DLGAP4: variants seen among roughly 807,000 people sequenced by gnomAD.
DLGAP4 encodes the protein DLG associated protein 4.
In DLGAP4, 18 loss-of-function variants were observed where a neutral mutation model predicts 86.9. That is an observed-to-expected ratio of 0.21 (90% CI 0.14 to 0.31). The LOEUF (loss-of-function observed/expected upper bound fraction) is 0.31, where lower values mean the gene tolerates loss of function less well. Ranked by LOEUF, DLGAP4 falls within the 10% of genes least tolerant of loss-of-function variation. The pLI is 1.00. For synonymous variants in DLGAP4, 548 were observed against 574.3 expected (o/e 0.95, Z 0.65); for missense variants, 1,085 against 1,362.6 (o/e 0.80, Z 3.21).
chr20:36,406,269 G>A (rs111358074), intron 2 of DLGAP4, among the ~76,000 whole-genome samples: 10,544 of 151,954 alleles, frequency 0.069, 1,144 homozygotes, highest in African/African-American at 0.24. Context: ...ATGGTGGCGG[G>A]CGCCTGTAGT....
In DLGAP4 at chr20:36,306,760, C is replaced by T. The variant is rs1307708794; in HGVS notation, c.-304+248C>T. Reference sequence around the variant, plus strand: ...TCGCCCCATCCATGTCTCCCCGGACCCTCAAATCGGGGGCGGCGGCACCGG... The same window carrying T: ...TCGCCCCATCCATGTCTCCCCGGACTCTCAAATCGGGGGCGGCGGCACCGG... On this transcript the variant is annotated intron_variant, in intron 1 of 12. Coordinates refer to ENST00000339266, the MANE Select transcript of DLGAP4 (RefSeq NM_001365621.2). This position sits in a 1 kb window ranked among gnomAD's most constrained non-coding sequence, Gnocchi z 4.9. Among the ~76,000 whole-genome samples, 1 of 152,072 alleles carries T rather than the reference C, an allele frequency of 6.6e-6. No individual in the cohort carries two copies. The highest frequency in any genetic ancestry group is 1.5e-5 in the Non-Finnish European group (1 of 67,984).
In DLGAP4 at chr20:36,436,257, G is replaced by A; in HGVS notation, c.1148G>A (p.Gly383Asp). 1 of 1,605,738 alleles carries A rather than the reference G, an allele frequency of 6.2e-7. No homozygotes were observed. The highest frequency in any genetic ancestry group is 8.5e-7 in the Non-Finnish European group (1 of 1,179,454). The change falls in exon 4 of 13, where the codon GGC (glycine) becomes GAC (aspartate). Residue 383 changes from glycine to aspartate, a missense_variant. Around this residue, in one of 2 missense-constraint regions of DLGAP4, gnomAD observed 1,082 missense variants for 1,344.1 expected, o/e 0.81. Coordinates refer to ENST00000339266, the MANE Select transcript of DLGAP4 (RefSeq NM_001365621.2). ...GACGAGGACAGCGACGAGTCCGGCG[G>A]CAGCCCCAAGCCCTCACCCAAGACC... is the stretch of plus-strand genomic sequence containing the variant. ...MGDEDSDESG[G>D]SPKPSPKTAA...
chr20:36,374,838 G>A (rs552114719), intron 2 of DLGAP4, among the ~76,000 whole-genome samples: 3 of 152,344 alleles, frequency 2.0e-5, no homozygotes, highest in East Asian at 1.9e-4. Flanking sequence ...CCACAATCCC[G>A]GCACTGCAGG....
At chr20:36,401,739 CAG>C (rs2032168084) in intron 2 of DLGAP4, among the ~76,000 whole-genome samples, 1 of 152,172 alleles carries the variant, frequency 6.6e-6, no homozygotes, top group African/African-American at 2.4e-5. Flanking sequence ...CCGCTTTTGA[CAG>C]AGACGAGTTT....
chr20:36,500,508 C>G lies in DLGAP4; in HGVS notation c.2409C>G (p.Asp803Glu). Residue 803 changes from aspartate (D) to glutamate (E), a missense_variant, in exon 10 of 13, where the codon GAC becomes GAG. Transcript: ENST00000339266. This position sits in a 1 kb window ranked among gnomAD's most constrained non-coding sequence, Gnocchi z 4.6. ...CACAGCCAGGGGCCTGCCGCCGAGA[C>G]GGCTACTGGTTCCTAAAGCTACTGC... ...EPAQPGACRR[D>E]GYWFLKLLQA... The G allele has an allele frequency of 1.3e-6, 2 of 1,592,236 alleles. No individual in the cohort carries two copies. The highest frequency in any genetic ancestry group is 1.7e-6 in the Non-Finnish European group (2 of 1,168,994).
intron 2 of DLGAP4, among the ~76,000 whole-genome samples, chr20:36,372,755 C>T (rs1600448463): frequency 6.6e-6 from 1 of 152,204 alleles, no homozygotes; most frequent in East Asian, 1.9e-4. Context: ...ACCCAATTCT[C>T]TGTTTGTGAG....
At chr20:36,448,051 A>T (rs2033644987) in intron 7 of DLGAP4, among the ~76,000 whole-genome samples, 1 of 152,116 alleles carries the variant, frequency 6.6e-6, no homozygotes. Flanking sequence ...TCAAAAAAAA[A>T]AAAAAAGACG....
intron 7 of DLGAP4, chr20:36,462,113 C>A (rs552957653): frequency 3.0e-6 from 3 of 1,000,158 alleles, no homozygotes; most frequent in South Asian, 8.6e-5. Context: ...TCCTCTGAAC[C>A]CCCATTGCCC....
chr20:36,370,514 G>T (rs2030885875), intron 2 of DLGAP4, among the ~76,000 whole-genome samples: 1 of 151,768 alleles, frequency 6.6e-6, no homozygotes, highest in Non-Finnish European at 1.5e-5. Context: ...GGATAGGAGT[G>T]GGACGTTCCT....
chr20:36,439,966 C>T (rs1175250859), intron 5 of DLGAP4, 98 bp downstream of exon 5: 4 of 1,022,670 alleles, frequency 3.9e-6, no homozygotes, highest in Non-Finnish European at 5.9e-6. Context: ...GCTGAGTGGC[C>T]CCCAGATGTC....
At chr20:36,520,719 T>C (rs942148602) in intron 10 of DLGAP4, among the ~76,000 whole-genome samples, 5 of 152,058 alleles carry the variant, frequency 3.3e-5, no homozygotes, top group Non-Finnish European at 7.4e-5. Flanking sequence ...TGCTTTTTTT[T>C]CCCTTCTTTA....
chr20:36,381,906 T>C (rs1420230246), intron 2 of DLGAP4, among the ~76,000 whole-genome samples: 1 of 152,200 alleles, frequency 6.6e-6, no homozygotes, highest in Non-Finnish European at 1.5e-5. Flanking sequence ...GGGCTGCATC[T>C]GATCCCCTTG....
intron 2 of DLGAP4, among the ~76,000 whole-genome samples, chr20:36,429,000 C>T (rs1303999008): frequency 6.6e-6 from 1 of 152,188 alleles, no homozygotes; most frequent in African/African-American, 2.4e-5. Context: ...TTCCTTGGCT[C>T]ATGTCTCCAC....
chr20:36,526,565 G>T (rs529819170), intron 12 of DLGAP4, among the ~76,000 whole-genome samples: 73 of 152,168 alleles, frequency 4.8e-4, no homozygotes, highest in Middle Eastern at 3.4e-3. Flanking sequence ...GTGGACAATG[G>T]GATCTGCCCG....
chr20:36,375,566 A>C (rs2031120279), intron 2 of DLGAP4, among the ~76,000 whole-genome samples: 1 of 152,308 alleles, frequency 6.6e-6, no homozygotes, highest in East Asian at 1.9e-4. Context: ...CCAGGAGAGA[A>C]GCATCTCCAT....
chr20:36,411,016 A>C (rs148520027), intron 2 of DLGAP4, among the ~76,000 whole-genome samples: 17 of 152,044 alleles, frequency 1.1e-4, no homozygotes, highest in African/African-American at 3.9e-4. Flanking sequence ...TTTGAGACAG[A>C]GTCTTGTTCT....
chr20:36,439,735 G>C lies in DLGAP4; in HGVS notation c.1242-19G>C, dbSNP rs776383755. The C allele has an allele frequency of 6.2e-7, 1 of 1,605,162 alleles. No individual in the cohort carries two copies. Among genetic ancestry groups the C allele is most frequent in the South Asian group, 1.1e-5 (1 of 90,318 alleles). ...ACAATGGGTGGGCTGAGCCCTGTCTGCTCCCCACTCCCCACCAGGAGTCTG... is the reference window on the plus strand; with the variant it reads ...ACAATGGGTGGGCTGAGCCCTGTCTCCTCCCCACTCCCCACCAGGAGTCTG... On this transcript the variant is annotated intron_variant, in intron 4 of 12. Transcript: ENST00000339266.
chr20:36,312,659 A>C (rs2147332853), intron 1 of DLGAP4, among the ~76,000 whole-genome samples: 1 of 152,288 alleles, frequency 6.6e-6, no homozygotes, highest in South Asian at 2.1e-4. Context: ...TGTACCTAGC[A>C]CTGCACTGGG....
chr20:36,420,688 A>C (rs547699686), intron 2 of DLGAP4, among the ~76,000 whole-genome samples: 1 of 152,020 alleles, frequency 6.6e-6, no homozygotes, highest in East Asian at 1.9e-4. Flanking sequence ...AAACACAAAA[A>C]TTAGGCTGGG....
Sources: gnomAD v4.1 joint callset for allele counts (sites outside exome capture counted in the v4.1 genomes callset) on GRCh38, gnomAD v4.1.1 for gene constraint, gnomAD v4.1.1 regional missense constraint, Gnocchi (gnomAD v3.1) non-coding constraint, MANE v1.5 for transcripts, NCBI Gene and HGNC (gene_info 2026-07-23, HGNC 2026-07-21) for gene names.